The following STAT5B variants were observed in gnomAD, a reference collection of about 807,000 sequenced individuals.
STAT5B encodes transcription factor STAT5B.
A neutral mutation model predicts 107.8 loss-of-function variants in STAT5B; 21 were observed. The observed-to-expected ratio is 0.19, with a 90% CI of 0.14 to 0.28. The LOEUF (loss-of-function observed/expected upper bound fraction) is 0.28. Among genes scored for constraint, STAT5B ranks in the 10% least tolerant of loss-of-function variants. The pLI is 1.00. For synonymous variants in STAT5B, 325 were observed against 401.7 expected (o/e 0.81, Z 2.28); for missense variants, 565 against 1,008.2 (o/e 0.56, Z 5.95).
At chr17:42,222,151 G>A (rs1300355016) in intron 5 of STAT5B, among the ~76,000 whole-genome samples, 1 of 149,148 alleles carries the variant, frequency 6.7e-6, no homozygotes, top group African/African-American at 2.5e-5. Flanking sequence ...TGTGTGTGCT[G>A]TGTGTGTGAT....
At chr17:42,261,950 T>C (rs911025833) in intron 1 of STAT5B, among the ~76,000 whole-genome samples, 9 of 152,136 alleles carry the variant, frequency 5.9e-5, no homozygotes, top group Non-Finnish European at 1.2e-4. Context: ...TCCTTCCCCC[T>C]CAGCCTCCCA....
chr17:42,236,511 G>A (rs1438489586), intron 1 of STAT5B, among the ~76,000 whole-genome samples: 5 of 152,102 alleles, frequency 3.3e-5, no homozygotes, highest in African/African-American at 4.8e-5. Flanking sequence ...GCATGATCTC[G>A]GCTCACTGCA....
At chr17:42,278,463 G>T (rs1214828894), upstream of STAT5B, among the ~76,000 whole-genome samples, 1 of 152,198 alleles carries the variant, frequency 6.6e-6, no homozygotes, top group Admixed American at 6.5e-5. Flanking sequence ...CCCAGCTACT[G>T]AGGAGGCTAA....
chr17:42,203,156 T>A (rs1427175845), intron 16 of STAT5B, among the ~76,000 whole-genome samples: 1 of 151,918 alleles, frequency 6.6e-6, no homozygotes, highest in Non-Finnish European at 1.5e-5. Flanking sequence ...ACCCAGGCTG[T>A]TTTCTAACTC....
chr17:42,201,627 T>C lies in STAT5B; in HGVS notation c.*111A>G. ...CTAAGGTCACAACTAGTATTAACAC[T>C]TCACATTATGAGTATTGTTTCAAAA... On this transcript the variant is annotated 3_prime_UTR_variant, in exon 19 of 19. Transcript: ENST00000293328. 2.4e-6 allele frequency: 2 copies of C among 843,874 alleles called. No individual in the cohort carries two copies. The highest frequency in any genetic ancestry group is 4.1e-6 in the Non-Finnish European group (2 of 489,700). 52.3% of individuals were successfully genotyped at this position (843,874 alleles called of 1,614,324 possible). A position where few individuals can be genotyped will look rare whatever the true frequency, so the allele number is the denominator to read the frequency against.
At chr17:42,243,911 G>GCC (rs879607110) in intron 1 of STAT5B, among the ~76,000 whole-genome samples, 53,582 of 151,422 alleles carry the variant, frequency 0.35, 10,541 homozygotes, top group African/African-American at 0.53. Context: ...CAAATCCATG[G>GCC]AGATAATGGA....
At chr17:42,244,175 C>A (rs2080430731) in intron 1 of STAT5B, among the ~76,000 whole-genome samples, 1 of 151,472 alleles carries the variant, frequency 6.6e-6, no homozygotes. Context: ...GCAGTCTCAA[C>A]CTCCTGGGTT....
Position 42,210,255 on chromosome 17 carries a change from T to G in STAT5B, c.1822A>C (p.Ile608Leu). ...AGGAAGGTCCCATCTGGCTTGTTAA[T>G]GAGTAGGTCATGGGCCTGTTGCTTG... The part of the protein sequence containing the change: ...VNKQQAHDLL[I>L]NKPDGTFLLR... The change falls in exon 15 of 19, where the codon ATT becomes CTT. Residue 608 changes from isoleucine to leucine, a missense_variant. By Grantham distance (5) the Ile-to-Leu change is conservative. Transcript: ENST00000293328. 2 of 1,614,194 alleles carry G rather than the reference T, an allele frequency of 1.2e-6. No homozygotes were observed. The highest frequency in any genetic ancestry group is 1.7e-6 in the Non-Finnish European group (2 of 1,180,026).
At chr17:42,282,521 AC>A in the STAT5B span, among the ~76,000 whole-genome samples, 5 of 152,056 alleles carry the variant, frequency 3.3e-5, no homozygotes, top group Admixed American at 3.3e-4. Flanking sequence ...ACAAGGTTTC[AC>A]CATGCTGAGT....
intron 5 of STAT5B, among the ~76,000 whole-genome samples, chr17:42,222,055 CTGTGTGTGTGCTGTGTGTGG>C (rs1349823428): frequency 8.7e-5 from 8 of 91,614 alleles, no homozygotes; most frequent in South Asian, 7.0e-4. Flanking sequence ...TGCTGTGTGT[CTGTGTGTGTGCTGTGTGTGG>C]TGTGTGTGTG....
In STAT5B at chr17:42,227,649, A is replaced by C. The variant is rs1176137138; in HGVS notation, c.165T>G (p.Ile55Met). Residue 55 changes from isoleucine (I) to methionine (M), a missense_variant, in exon 3 of 19, where the codon ATT (isoleucine) becomes ATG (methionine). Ile to Met is a conservative substitution (Grantham distance 10, BLOSUM62 1). Transcript: ENST00000293328. ...GGCCCTCCAGGAGCTGGGTGGCCTT[A>C]ATGTTCTCCTGTGGATTATCAAGAT... ...SVDLDNPQEN[I>M]KATQLLEGLV... 6.2e-7 allele frequency: 1 copy of C among 1,614,036 alleles called. No homozygotes were observed. Among genetic ancestry groups the C allele is most frequent in the Non-Finnish European group, 8.5e-7 (1 of 1,179,996 alleles).
intron 2 of STAT5B, among the ~76,000 whole-genome samples, chr17:42,229,069 T>G (rs2080297186): frequency 6.6e-6 from 1 of 152,184 alleles, no homozygotes; most frequent in African/African-American, 2.4e-5. Context: ...TTAAATAGAA[T>G]ACGTATTAAA....
chr17:42,218,409 T>A, intron 8 of STAT5B, 79 bp from the exon 9 acceptor site: 1 of 1,540,454 alleles, frequency 6.5e-7, no homozygotes, highest in East Asian at 2.3e-5. Context: ...GTGGTGGGGG[T>A]GGGGCTGCCT....
intron 1 of STAT5B, among the ~76,000 whole-genome samples, chr17:42,238,472 T>A (rs2080375188): frequency 6.9e-6 from 1 of 143,976 alleles, no homozygotes; most frequent in South Asian, 2.2e-4. Context: ...TTTTTTTTTT[T>A]AAGGCAGAGT....
At chr17:42,283,932 G>T in the STAT5B span, among the ~76,000 whole-genome samples, 1 of 152,064 alleles carries the variant, frequency 6.6e-6, no homozygotes, top group Non-Finnish European at 1.5e-5. Context: ...CAGAGGCAAG[G>T]TGGGGGTGAA....
intron 2 of STAT5B, among the ~76,000 whole-genome samples, chr17:42,231,256 T>G (rs1200410409): frequency 1.3e-5 from 2 of 152,174 alleles, no homozygotes; most frequent in Non-Finnish European, 2.9e-5. Context: ...TCCTCCCACC[T>G]CAGCATCCTG....
At chr17:42,221,733 T>C (rs1046320062) in intron 5 of STAT5B, among the ~76,000 whole-genome samples, 4 of 152,184 alleles carry the variant, frequency 2.6e-5, no homozygotes, top group African/African-American at 9.7e-5. Context: ...CTTTACTCAA[T>C]AACTGTTATG....
chr17:42,211,943 G>A (rs1403219668), intron 13 of STAT5B, 41 bp downstream of exon 13: 1 of 1,575,816 alleles, frequency 6.3e-7, no homozygotes, highest in Non-Finnish European at 8.6e-7. Context: ...ATCTGGTTGG[G>A]AAGGACTGAT....
At chr17:42,218,956 T>C in intron 7 of STAT5B, 78 bp from the exon 8 acceptor site, 1 of 1,611,210 alleles carries the variant, frequency 6.2e-7, no homozygotes, top group Non-Finnish European at 8.5e-7. Flanking sequence ...ACAGCTCCCG[T>C]TCCCCCAGGA....
Sources: gnomAD v4.1 joint callset for allele counts (sites outside exome capture counted in the v4.1 genomes callset) on GRCh38, gnomAD v4.1.1 for gene constraint, MANE v1.5 for transcripts, NCBI Gene and HGNC (gene_info 2026-07-23, HGNC 2026-07-21) for gene names.